The following ELL2 variants were observed in gnomAD, a reference collection of about 807,000 sequenced individuals.
The protein encoded by ELL2 is RNA polymerase II elongation factor ELL2.
In ELL2, 21 loss-of-function variants were observed where a neutral mutation model predicts 72.8. That is an observed-to-expected ratio of 0.29 (90% confidence interval 0.20 to 0.42). The LOEUF (loss-of-function observed/expected upper bound fraction) is 0.42. Ranked by LOEUF, ELL2 falls within the 10% of genes least tolerant of loss-of-function variation. ELL2 has a pLI of 1.00. For missense variants in ELL2, 568 were observed against 772.8 expected, an observed-to-expected ratio of 0.73 and a Z score of 3.14; for synonymous variants, 266 against 283.2, an observed-to-expected ratio of 0.94 and a Z score of 0.61.
At chr5:95,949,111 T>A (rs1267636476) in intron 1 of ELL2, among the ~76,000 whole-genome samples, 1 of 152,200 alleles carries the variant, frequency 6.6e-6, no homozygotes, top group Non-Finnish European at 1.5e-5. Flanking sequence ...ACCAAAGAGA[T>A]CTATGTACAC....
chr5:95,940,776 G>A (rs1301107467), intron 2 of ELL2, among the ~76,000 whole-genome samples: 3 of 152,146 alleles, frequency 2.0e-5, no homozygotes, highest in African/African-American at 7.2e-5. Flanking sequence ...CTTCTTCAGA[G>A]AGGATTTAAA....
chr5:95,908,063 A>G (rs1044346877), intron 4 of ELL2, among the ~76,000 whole-genome samples: 10 of 152,232 alleles, frequency 6.6e-5, no homozygotes, highest in Non-Finnish European at 1.5e-4. Context: ...TACAAAACCA[A>G]TTGCAAATAT....
chr5:95,900,854 C>CCCTTCCCA lies in ELL2; in HGVS notation c.867-82_867-75dup. 3 of 1,557,252 alleles carry CCCTTCCCA rather than the reference C, an allele frequency of 1.9e-6. No homozygotes were observed. The South Asian group carries it at 3.7e-5, about 19-fold the overall frequency. On this transcript the variant is annotated intron_variant, in intron 6 of 11. Coordinates refer to ENST00000237853, the MANE Select transcript of ELL2 (RefSeq NM_012081.6). ...TCATGATAGAAAGCTTGCCTTGCTT[C>CCCTTCCCA]CCTTCCCACCTTAACACTAAAATAA...
Position 95,961,601 on chromosome 5 carries a change from C to G in ELL2, c.121G>C (p.Ala41Pro), listed in dbSNP as rs1751859714. Residue 41 changes from alanine to proline, a missense_variant, in exon 1 of 12, where the codon GCG becomes CCG. By Grantham distance (27) the Ala-to-Pro change is conservative. Around this residue, in one of 2 missense-constraint regions of ELL2, gnomAD observed 511 missense variants for 728.4 expected, o/e 0.70. Transcript: ENST00000237853. ...HVKLTETAIR[A>P]LETYQSHKNL... is the part of the protein sequence containing the mutation. ...TTGTGGCTCTGGTAAGTCTCGAGCG[C>G]CCGGATCGCCGTCTCGGTGAGCTTC... 1 of 1,605,350 alleles carries G rather than the reference C, an allele frequency of 6.2e-7. No individual in the cohort carries two copies.
intron 1 of ELL2, among the ~76,000 whole-genome samples, chr5:95,960,833 C>A (rs113521038): frequency 3.9e-5 from 6 of 152,176 alleles, no homozygotes; most frequent in African/African-American, 7.2e-5. Context: ...TAACGCGATG[C>A]GCCGGTGTCC....
intron 1 of ELL2, among the ~76,000 whole-genome samples, chr5:95,951,493 C>A (rs1288911401): frequency 6.6e-6 from 1 of 152,028 alleles, no homozygotes; most frequent in East Asian, 1.9e-4. Context: ...GCTTATATGT[C>A]AAATCTGACT....
intron 1 of ELL2, among the ~76,000 whole-genome samples, chr5:95,945,355 C>G (rs1363986751): frequency 2.0e-5 from 3 of 152,174 alleles, no homozygotes; most frequent in African/African-American, 7.2e-5. Flanking sequence ...TTACATACTA[C>G]ATGCCACTAG....
chr5:95,958,146 G>A (rs1003289126), intron 1 of ELL2, among the ~76,000 whole-genome samples: 24 of 152,078 alleles, frequency 1.6e-4, no homozygotes, highest in African/African-American at 5.6e-4. Context: ...GAATGGTGGC[G>A]GACAGTTTTA....
chr5:95,950,904 G>GTATATATATATATATATA (rs869036736), intron 1 of ELL2, among the ~76,000 whole-genome samples: 1 of 46,612 alleles, frequency 2.1e-5, no homozygotes. Flanking sequence ...GTATGTATGT[G>GTATATATATATATATATA]TATATATATA....
At chr5:95,922,110 C>G (rs957118658) in intron 2 of ELL2, among the ~76,000 whole-genome samples, 1 of 151,900 alleles carries the variant, frequency 6.6e-6, no homozygotes, top group Non-Finnish European at 1.5e-5. Flanking sequence ...GTCGCCCAGG[C>G]TGGAGTGCAG....
rs1441389961 is a variant in ELL2 at position 95,919,693 on chromosome 5, A to C, written c.196-148T>G. Reference sequence around the variant, plus strand: ...CATCCTCGCAGCATTTAAATGACCAAACAATTCAAGGAATCTGGCAAACAT... The same window carrying C: ...CATCCTCGCAGCATTTAAATGACCACACAATTCAAGGAATCTGGCAAACAT... On this transcript the variant is annotated intron_variant, in intron 2 of 11. Coordinates refer to ENST00000237853, the MANE Select transcript of ELL2 (RefSeq NM_012081.6). 3.2e-6 allele frequency: 3 copies of C among 923,230 alleles called. No homozygotes were observed. In the Admixed American group the frequency reaches 1.2e-4, roughly 36 times the overall value. 57.2% of individuals were successfully genotyped at this position (923,230 alleles called of 1,614,324 possible).
chr5:95,931,796 TAAA>T (rs368583353), intron 2 of ELL2, among the ~76,000 whole-genome samples: 1 of 72,546 alleles, frequency 1.4e-5, no homozygotes, highest in Non-Finnish European at 2.3e-5. Flanking sequence ...GCCCTATCCA[TAAA>T]AAAAAAAAAA....
intron 10 of ELL2, among the ~76,000 whole-genome samples, chr5:95,889,889 G>T (rs568971784): frequency 1.4e-5 from 2 of 138,790 alleles, no homozygotes; most frequent in South Asian, 2.7e-4. Flanking sequence ...GGATTGGTGA[G>T]GGGGGGAGTC....
chr5:95,926,548 C>A (rs1484068723), intron 2 of ELL2, among the ~76,000 whole-genome samples: 1 of 152,108 alleles, frequency 6.6e-6, no homozygotes, highest in Non-Finnish European at 1.5e-5. Flanking sequence ...TTCCATTGTT[C>A]CTCTTTAGCA....
At chr5:95,921,617 C>T (rs1489260722) in intron 2 of ELL2, among the ~76,000 whole-genome samples, 2 of 152,210 alleles carry the variant, frequency 1.3e-5, no homozygotes, top group African/African-American at 2.4e-5. Flanking sequence ...CTTAATCCTA[C>T]AGCAGTAGAG....
At chr5:95,957,389 A>T (rs1215066068) in intron 1 of ELL2, among the ~76,000 whole-genome samples, 1 of 152,252 alleles carries the variant, frequency 6.6e-6, no homozygotes, top group African/African-American at 2.4e-5. Flanking sequence ...ATCACAGATA[A>T]CAATTTAAAA....
At chr5:95,940,883 T>C (rs1750944108) in intron 2 of ELL2, among the ~76,000 whole-genome samples, 1 of 152,086 alleles carries the variant, frequency 6.6e-6, no homozygotes, top group African/African-American at 2.4e-5. Flanking sequence ...GCGTCTTCCC[T>C]GTGGGCTGTG....
In ELL2 at chr5:95,891,218, T is replaced by C. The variant is rs766045933; in HGVS notation, c.1646A>G (p.Asn549Ser). Residue 549 changes from asparagine to serine, a missense_variant, in exon 10 of 12, where the codon AAT (asparagine) becomes AGT (serine). Around this residue, in one of 2 missense-constraint regions of ELL2, gnomAD observed 511 missense variants for 728.4 expected, o/e 0.70. Coordinates refer to ENST00000237853, the MANE Select transcript of ELL2 (RefSeq NM_012081.6). ...AGCTCTGTACTCATCATACTCTGCA[T>C]TGAAGTCATCCTTATAATTCTGGCG... ...EQRQNYKDDF[N>S]AEYDEYRALH... 1.9e-6 allele frequency: 3 copies of C among 1,614,196 alleles called. No individual in the cohort carries two copies. The highest frequency in any genetic ancestry group is 2.5e-6 in the Non-Finnish European group (3 of 1,180,032).
chr5:95,917,096 G>T (rs1749842026), intron 3 of ELL2, among the ~76,000 whole-genome samples: 1 of 152,138 alleles, frequency 6.6e-6, no homozygotes, highest in African/African-American at 2.4e-5. Context: ...GTATATAAAT[G>T]CTCCCTTAGT....
Sources: allele counts gnomAD v4.1 joint callset (sites outside exome capture counted in the v4.1 genomes callset), GRCh38; gene constraint gnomAD v4.1.1; regional missense constraint gnomAD v4.1.1; transcripts MANE v1.5; gene names NCBI Gene and HGNC (gene_info 2026-07-23, HGNC 2026-07-21).